The following TRERF1 variants were observed in gnomAD, a reference collection of about 807,000 sequenced individuals.
The protein encoded by TRERF1 is transcriptional-regulating factor 1.
Under a neutral mutation model 122.9 loss-of-function variants are expected in TRERF1, and 27 were observed. The observed-to-expected ratio is 0.22, with a 90% CI of 0.16 to 0.30. The LOEUF is 0.30. Among genes scored for constraint, TRERF1 ranks in the 10% least tolerant of loss-of-function variants. TRERF1 has a pLI of 1.00. For missense variants in TRERF1, 1,248 were observed against 1,560.3 expected (o/e 0.80, Z 3.37); for synonymous variants, 636 against 641.7 (o/e 0.99, Z 0.13).
chr6:42,398,139 C>T lies in TRERF1; in HGVS notation c.-453-35060G>A, dbSNP rs536874882. Among the ~76,000 whole-genome samples the T allele has an allele frequency of 9.2e-5, 14 of 152,312 alleles. No individual in the cohort carries two copies. The South Asian group carries it at 2.9e-3, about 32-fold the overall frequency. ...AGAGTCCTGAGTTCAAATCCCAGCT[C>T]CAGCACTTGCTAGCTGTGTGCCCCT... On this transcript the variant is annotated intron_variant, in intron 2 of 17. Transcript: ENST00000372922.
intron 3 of TRERF1, among the ~76,000 whole-genome samples, chr6:42,350,904 G>C (rs1402576167): frequency 6.6e-6 from 1 of 152,008 alleles, no homozygotes; most frequent in African/African-American, 2.4e-5. Context: ...CCTTGTACAT[G>C]ATTTTTCAAA....
Position 42,259,762 on chromosome 6 carries a change from T to G in TRERF1, c.1885-39A>C, listed in dbSNP as rs1382251076. 6.3e-7 allele frequency: 1 copy of G among 1,598,548 alleles called. No homozygotes were observed. The highest frequency in any genetic ancestry group is 1.1e-5 in the South Asian group (1 of 90,998). On this transcript the variant is annotated intron_variant, in intron 8 of 17. Transcript: ENST00000372922. This position sits in a 1 kb window ranked among gnomAD's most constrained non-coding sequence, Gnocchi z 4.9. Reference sequence around the variant, plus strand: ...AACGATCTGATTCGAATACTTCAGCTTCCCCCGCAGGCCATTTCCACAGGT... The same window carrying G: ...AACGATCTGATTCGAATACTTCAGCGTCCCCCGCAGGCCATTTCCACAGGT...
In TRERF1 at chr6:42,259,503, G is replaced by A. The variant is rs778946039; in HGVS notation, c.2105C>T (p.Thr702Ile). The A allele has an allele frequency of 3.1e-6, 5 of 1,612,272 alleles. No homozygotes were observed. The highest frequency in any genetic ancestry group is 4.2e-6 in the Non-Finnish European group (5 of 1,179,674). The change falls in exon 9 of 18, where the codon ACC becomes ATC. Residue 702 changes from threonine to isoleucine, a missense_variant. This residue lies in a region of TRERF1 where 946 missense variants were observed against 1,073.0 expected (regional missense o/e 0.88). Transcript: ENST00000372922. This position sits in a 1 kb window ranked among gnomAD's most constrained non-coding sequence, Gnocchi z 4.9. Reference sequence around the variant, plus strand: ...GGGCGTGTAAGGGGGCAGCTCGTGGGTGGGGTCCAGGAGCAGGTGGTCCCC... The same window carrying A: ...GGGCGTGTAAGGGGGCAGCTCGTGGATGGGGTCCAGGAGCAGGTGGTCCCC...
intron 2 of TRERF1, among the ~76,000 whole-genome samples, chr6:42,368,394 C>T (rs545831096): frequency 6.6e-6 from 1 of 152,052 alleles, no homozygotes. Flanking sequence ...TTTCCTCGCC[C>T]CCCCAAGTTA....
intron 3 of TRERF1, among the ~76,000 whole-genome samples, chr6:42,302,844 G>T (rs1319493032): frequency 6.6e-6 from 1 of 152,198 alleles, no homozygotes; most frequent in Non-Finnish European, 1.5e-5. Flanking sequence ...CTCTATGTAT[G>T]AAAACAACTT....
At chr6:42,314,353 T>G (rs141790879) in intron 3 of TRERF1, among the ~76,000 whole-genome samples, 1,566 of 152,282 alleles carry the variant, frequency 0.01, 14 homozygotes, top group Non-Finnish European at 0.016. Context: ...TTCATCAACA[T>G]AAATCCCTGG....
chr6:42,427,214 G>A (rs1783755578), intron 2 of TRERF1, among the ~76,000 whole-genome samples: 5 of 151,994 alleles, frequency 3.3e-5, no homozygotes, highest in Admixed American at 2.6e-4. Flanking sequence ...TTCACCTAGG[G>A]CACATAAATG....
chr6:42,346,980 G>T (rs943666313), intron 3 of TRERF1, among the ~76,000 whole-genome samples: 1 of 152,158 alleles, frequency 6.6e-6, no homozygotes, highest in Non-Finnish European at 1.5e-5. Context: ...AGGGGCTCAG[G>T]TAGAATAAAA....
intron 2 of TRERF1, among the ~76,000 whole-genome samples, chr6:42,421,188 C>T (rs998519927): frequency 1.4e-4 from 22 of 152,268 alleles, no homozygotes; most frequent in Middle Eastern, 3.4e-3. Context: ...ATGTATAGAG[C>T]GCACTTGGCA....
intron 3 of TRERF1, among the ~76,000 whole-genome samples, chr6:42,323,051 T>C (rs983318452): frequency 2.0e-5 from 3 of 148,864 alleles, no homozygotes; most frequent in Admixed American, 6.6e-5. Context: ...GCCCTCTCCA[T>C]TGCCTATCTG....
intron 3 of TRERF1, among the ~76,000 whole-genome samples, chr6:42,344,855 C>T (rs139084839): frequency 2.4e-3 from 368 of 152,276 alleles, no homozygotes; most frequent in Non-Finnish European, 3.6e-3. Context: ...TAACCTTCTA[C>T]ATATTGTACT....
chr6:42,444,609 T>C (rs1194718353), intron 2 of TRERF1, among the ~76,000 whole-genome samples: 3 of 152,026 alleles, frequency 2.0e-5, no homozygotes, highest in African/African-American at 2.4e-5. Flanking sequence ...ATGGAGCAAG[T>C]TCCTGAAGTA....
chr6:42,394,938 A>G (rs1778332168), intron 2 of TRERF1, among the ~76,000 whole-genome samples: 1 of 152,192 alleles, frequency 6.6e-6, no homozygotes, highest in Non-Finnish European at 1.5e-5. Flanking sequence ...CGCCCACCAC[A>G]GCCCACTTCG....
chr6:42,279,672 G>C (rs920176634), intron 4 of TRERF1, among the ~76,000 whole-genome samples: 1 of 152,190 alleles, frequency 6.6e-6, no homozygotes, highest in African/African-American at 2.4e-5. Flanking sequence ...CTCTGCAAGG[G>C]ACGACAGGGA....
At chr6:42,251,753 ATGAG>A (rs1775867387) in intron 13 of TRERF1, among the ~76,000 whole-genome samples, 1 of 152,114 alleles carries the variant, frequency 6.6e-6, no homozygotes, top group Non-Finnish European at 1.5e-5. Context: ...CTCCAATGGA[ATGAG>A]TATTTCCTCC....
chr6:42,339,822 C>T (rs1184560731), intron 3 of TRERF1, among the ~76,000 whole-genome samples: 1 of 152,222 alleles, frequency 6.6e-6, no homozygotes, highest in African/African-American at 2.4e-5. Context: ...AGAATCTGGA[C>T]ACTACCTGTG....
At chr6:42,390,237 G>T (rs1413613022) in intron 2 of TRERF1, among the ~76,000 whole-genome samples, 1 of 152,184 alleles carries the variant, frequency 6.6e-6, no homozygotes, top group African/African-American at 2.4e-5. Context: ...CTTTAATTAA[G>T]CAAAGTAGAG....
chr6:42,290,942 C>T (rs1207846129), intron 4 of TRERF1, among the ~76,000 whole-genome samples: 2 of 151,782 alleles, frequency 1.3e-5, no homozygotes, highest in Non-Finnish European at 1.5e-5. Context: ...CCCTCTGGCC[C>T]GGTGTAAAGT....
At chr6:42,420,754 A>G (rs1431591089) in intron 2 of TRERF1, among the ~76,000 whole-genome samples, 2 of 152,172 alleles carry the variant, frequency 1.3e-5, no homozygotes, top group East Asian at 3.8e-4. Context: ...GTTGGGATTG[A>G]CTTTAGAGTG....
Sources: allele counts gnomAD v4.1 joint callset (sites outside exome capture counted in the v4.1 genomes callset), GRCh38; gene constraint gnomAD v4.1.1; regional missense constraint gnomAD v4.1.1; non-coding constraint Gnocchi (gnomAD v3.1); transcripts MANE v1.5; gene names NCBI Gene and HGNC (gene_info 2026-07-23, HGNC 2026-07-21).